Variants in ARSG observed in about 807,000 individuals in gnomAD.
The protein encoded by ARSG is ASG.
A neutral mutation model predicts 50.5 loss-of-function variants in ARSG; 37 were observed. The ratio of observed to expected loss-of-function variants is 0.73; its 90% CI spans 0.56 to 0.96. ARSG has a LOEUF of 0.96. Among genes scored for constraint, ARSG ranks in the 50% least tolerant of loss-of-function variants. ARSG has a pLI of 0.00. For missense variants in ARSG, 629 were observed against 675.3 expected (o/e 0.93, Z 0.76); for synonymous variants, 225 against 254.6 (o/e 0.88, Z 1.11).
At chr17:68,274,013 C>G (rs1258286769) in intron 1 of ARSG, 2 of 1,614,004 alleles carry the variant, frequency 1.2e-6, no homozygotes, top group Non-Finnish European at 1.7e-6. Flanking sequence ...AAGTAGCCCC[C>G]CCAACATCAC....
intron 1 of ARSG, among the ~76,000 whole-genome samples, chr17:68,303,894 G>T (rs1009463611): frequency 6.6e-6 from 1 of 152,216 alleles, no homozygotes; most frequent in Non-Finnish European, 1.5e-5. Flanking sequence ...TTTCCCTGGA[G>T]GTGTGGGTGT....
At chr17:68,431,456 G>A in the ARSG span, among the ~76,000 whole-genome samples, 1 of 152,084 alleles carries the variant, frequency 6.6e-6, no homozygotes. Flanking sequence ...GGTGGTGGCT[G>A]CTGGGCTCTG....
intron 1 of ARSG, among the ~76,000 whole-genome samples, chr17:68,306,120 A>G (rs2076598685): frequency 1.3e-5 from 2 of 151,402 alleles, no homozygotes; most frequent in South Asian, 4.2e-4. Flanking sequence ...CTCTTGCCTC[A>G]GCCTCCCAAG....
rs550826920 is a variant in ARSG at position 68,362,813 on chromosome 17, A to G, written c.705-5735A>G. Among the ~76,000 whole-genome samples the G allele has an allele frequency of 9.9e-5, 15 of 152,082 alleles. No individual in the cohort carries two copies. The South Asian group carries it at 3.1e-3, about 32-fold the overall frequency. On this transcript the variant is annotated intron_variant, in intron 6 of 11. Transcript: ENST00000621439. ...AACTTTTTAAATAATCATCTTATTT[A>G]TATTTTAGTTGCCTTTTTCTCTTTC...
intron 2 of ARSG, among the ~76,000 whole-genome samples, chr17:68,335,373 G>A (rs1412451480): frequency 6.6e-6 from 1 of 152,008 alleles, no homozygotes; most frequent in African/African-American, 2.4e-5. Context: ...CTAACACGGA[G>A]AAACCTCGTC....
At chr17:68,302,335 G>A (rs951878079) in intron 1 of ARSG, among the ~76,000 whole-genome samples, 1 of 152,124 alleles carries the variant, frequency 6.6e-6, no homozygotes, top group Non-Finnish European at 1.5e-5. Context: ...CTCATCAGAT[G>A]CTTTTGTCTC....
rs368051349 is a variant in ARSG at position 68,313,712 on chromosome 17, C to T, written c.218+6001C>T. On this transcript the variant is annotated intron_variant, in intron 2 of 11. Transcript: ENST00000621439. Reference sequence around the variant, plus strand: ...TTTTTTTTTTTGAGACACAGTTTCACTCTGTTGCCCAGGCTGGAGTGCAGT... The same window carrying T: ...TTTTTTTTTTTGAGACACAGTTTCATTCTGTTGCCCAGGCTGGAGTGCAGT... Among the ~76,000 whole-genome samples the T allele has an allele frequency of 8.4e-5, 10 of 118,470 alleles. No individual in the cohort carries two copies. The East Asian group carries it at 2.4e-3, about 28-fold the overall frequency. The allele number at this position is 118,470 out of a possible 152,430, so 77.7% of individuals were successfully genotyped here. A position where few individuals can be genotyped will look rare whatever the true frequency, so the allele number is the denominator to read the frequency against.
At chr17:68,391,593 C>T (rs1361957055) in intron 9 of ARSG, among the ~76,000 whole-genome samples, 1 of 152,192 alleles carries the variant, frequency 6.6e-6, no homozygotes, top group Non-Finnish European at 1.5e-5. Context: ...GTTTCTCTTG[C>T]TGACTGATTT....
At chr17:68,342,216 T>C (rs2078300094) in intron 2 of ARSG, among the ~76,000 whole-genome samples, 1 of 152,134 alleles carries the variant, frequency 6.6e-6, no homozygotes, top group South Asian at 2.1e-4. Flanking sequence ...AGGGAAAATA[T>C]GGAGTTAGCT....
the ARSG span, among the ~76,000 whole-genome samples, chr17:68,450,559 C>T: frequency 6.6e-6 from 1 of 152,218 alleles, no homozygotes; most frequent in Non-Finnish European, 1.5e-5. Flanking sequence ...ACAACCAGCA[C>T]CTGGAGTAGA....
chr17:68,372,277 T>C (rs1423472160), intron 8 of ARSG, among the ~76,000 whole-genome samples: 1 of 151,656 alleles, frequency 6.6e-6, no homozygotes, highest in Non-Finnish European at 1.5e-5. Flanking sequence ...GTCATCTATC[T>C]ATCTATCTAT....
At chr17:68,424,344 C>A, downstream of ARSG, 1 of 485,916 alleles carries the variant, frequency 2.1e-6, no homozygotes, top group Admixed American at 2.3e-5. Flanking sequence ...CCCAGCCCTG[C>A]ATGCAGGGCC....
chr17:68,369,993 A>G (rs1216338340), intron 7 of ARSG, among the ~76,000 whole-genome samples: 1 of 152,070 alleles, frequency 6.6e-6, no homozygotes, highest in Non-Finnish European at 1.5e-5. Flanking sequence ...ACGGATGGGA[A>G]TCATATTTGT....
At position 68,368,759 on chromosome 17, in the gene ARSG, G is replaced by C. The variant is rs890959525; in HGVS notation, c.901+15G>C. 1 of 1,609,726 alleles carries C rather than the reference G, an allele frequency of 6.2e-7. No homozygotes were observed. Among genetic ancestry groups the C allele is most frequent in the African/African-American group, 1.3e-5 (1 of 74,632 alleles). ...CTGGTTTACAGGTAAAGTAGTAAAAGCCAGCCAGCCTAACTGCCATTTAAT... is the reference window on the plus strand; with the variant it reads ...CTGGTTTACAGGTAAAGTAGTAAAACCCAGCCAGCCTAACTGCCATTTAAT... On this transcript the variant is annotated intron_variant, in intron 7 of 11. Transcript: ENST00000621439.
chr17:68,337,042 T>C (rs949129482), intron 2 of ARSG, among the ~76,000 whole-genome samples: 1 of 152,012 alleles, frequency 6.6e-6, no homozygotes, highest in African/African-American at 2.4e-5. Context: ...GGAGACTTGA[T>C]AGAACTTGGT....
At position 68,270,868 on chromosome 17, in the gene ARSG, A is replaced by G. The variant is rs1305647490; in HGVS notation, c.-552+11442A>G. The G allele has an allele frequency of 3.1e-6, 5 of 1,613,864 alleles. No homozygotes were observed. The African/African-American group carries it at 5.3e-5, about 17-fold the overall frequency. On this transcript the variant is annotated intron_variant, in intron 1 of 11. Transcript: ENST00000448504. ...AAGGGGCGGTCCAGCCAGTCCTGCT[A>G]TGCTCTGAATGAAGATGTAGACCCC...
At chr17:68,328,788 C>T (rs1352509442) in intron 2 of ARSG, among the ~76,000 whole-genome samples, 2 of 152,164 alleles carry the variant, frequency 1.3e-5, no homozygotes, top group Non-Finnish European at 2.9e-5. Flanking sequence ...ATGGGACCTG[C>T]AGAGAACCCA....
At chr17:68,413,306 A>G (rs368908502) in intron 11 of ARSG, among the ~76,000 whole-genome samples, 59,141 of 151,824 alleles carry the variant, frequency 0.39, 13,139 homozygotes, top group Admixed American at 0.53. Context: ...TTTGGTGTGG[A>G]TGTCCTTTCT....
intron 1 of ARSG, chr17:68,270,903 A>G (rs574988709): frequency 1.2e-6 from 2 of 1,614,200 alleles, no homozygotes; most frequent in South Asian, 1.1e-5. Context: ...CAGCTGCAGA[A>G]GACATCTTCT....
Sources: allele counts gnomAD v4.1 joint callset (sites outside exome capture counted in the v4.1 genomes callset), GRCh38; gene constraint gnomAD v4.1.1; transcripts MANE v1.5; gene names NCBI Gene and HGNC (gene_info 2026-07-23, HGNC 2026-07-21).